The following NEK11 variants were observed in gnomAD, a reference collection of about 807,000 sequenced individuals.
The protein encoded by NEK11 is serine/threonine-protein kinase Nek11.
In NEK11, 72 loss-of-function variants were observed where a neutral mutation model predicts 80.7. That is an observed-to-expected ratio of 0.89 (90% CI 0.74 to 1.08). The LOEUF is 1.08. Ranked by LOEUF, NEK11 falls within the 50% of genes least tolerant of loss-of-function variation. The pLI is 0.00. For synonymous variants in NEK11, 251 were observed against 260.7 expected, an observed-to-expected ratio of 0.96 and a Z score of 0.36; for missense variants, 764 against 763.6, an observed-to-expected ratio of 1.00 and a Z score of -0.01.
intron 4 of NEK11, among the ~76,000 whole-genome samples, chr3:131,108,430 C>G (rs545382524): frequency 6.6e-6 from 1 of 152,242 alleles, no homozygotes; most frequent in Non-Finnish European, 1.5e-5. Flanking sequence ...TTGCATCCTG[C>G]AAAGACTAAA....
intron 10 of NEK11, among the ~76,000 whole-genome samples, chr3:131,157,116 T>G (rs537765301): frequency 2.6e-4 from 39 of 152,284 alleles, no homozygotes; most frequent in Non-Finnish European, 4.9e-4. Context: ...TTAAAATCCC[T>G]GGTAACAAAA....
intron 15 of NEK11, among the ~76,000 whole-genome samples, chr3:131,231,600 A>C (rs778154428): frequency 2.6e-5 from 4 of 151,808 alleles, no homozygotes; most frequent in African/African-American, 4.8e-5. Flanking sequence ...TATTAGAGAC[A>C]GGTAATTACA....
At chr3:131,327,910 A>C (rs531456639) in intron 17 of NEK11, among the ~76,000 whole-genome samples, 63 of 152,042 alleles carry the variant, frequency 4.1e-4, no homozygotes, top group African/African-American at 1.4e-3. Flanking sequence ...TTATTTGTTT[A>C]CTTGTTTAAT....
intron 14 of NEK11, among the ~76,000 whole-genome samples, chr3:131,172,487 T>C (rs2092753530): frequency 6.6e-6 from 1 of 152,266 alleles, no homozygotes; most frequent in African/African-American, 2.4e-5. Context: ...AGATTGGCAT[T>C]AGCCAGCTTT....
chr3:131,271,714 G>T (rs1162721823), intron 16 of NEK11, among the ~76,000 whole-genome samples: 3 of 152,020 alleles, frequency 2.0e-5, no homozygotes, highest in African/African-American at 7.2e-5. Context: ...AGAATTGCTT[G>T]AACCCAGGAG....
chr3:131,260,852 A>G (rs1301588354), intron 16 of NEK11, among the ~76,000 whole-genome samples: 4 of 152,186 alleles, frequency 2.6e-5, no homozygotes, highest in Non-Finnish European at 5.9e-5. Context: ...CTAAATGTAC[A>G]GTGCACCAAG....
At chr3:131,095,255 C>G (rs2077267636) in intron 4 of NEK11, among the ~76,000 whole-genome samples, 2 of 152,128 alleles carry the variant, frequency 1.3e-5, no homozygotes, top group South Asian at 4.2e-4. Flanking sequence ...ATGAACCAAT[C>G]AATTTATTCA....
intron 14 of NEK11, among the ~76,000 whole-genome samples, chr3:131,207,230 A>G (rs1227059695): frequency 2.0e-5 from 3 of 152,216 alleles, no homozygotes; most frequent in Admixed American, 2.0e-4. Context: ...TAGATCCTTG[A>G]GGAATCGCCA....
At chr3:131,060,140 G>A (rs2070552607) in intron 3 of NEK11, among the ~76,000 whole-genome samples, 1 of 152,120 alleles carries the variant, frequency 6.6e-6, no homozygotes, top group African/African-American at 2.4e-5. Flanking sequence ...GGGGAAGGAG[G>A]GCAGTTAAAG....
In NEK11 at chr3:131,219,313, T is replaced by C. The variant is rs141947485; in HGVS notation, c.1400-9215T>C. On this transcript the variant is annotated intron_variant, in intron 14 of 17. Coordinates refer to ENST00000383366, the MANE Select transcript of NEK11 (RefSeq NM_024800.5). ...CAAGAACAGAAAACCAAACACTGCA[T>C]GTTCTCACTCATAAGTGGGAGTTGA... 1.6e-3 allele frequency among the ~76,000 whole-genome samples: 248 copies of C among 151,992 alleles called. 5 individuals carry two copies. The East Asian group carries it at 0.047, about 29-fold the overall frequency.
At chr3:131,049,400 A>G (rs2067971761) in intron 3 of NEK11, among the ~76,000 whole-genome samples, 1 of 152,214 alleles carries the variant, frequency 6.6e-6, no homozygotes, top group Non-Finnish European at 1.5e-5. Flanking sequence ...TCCTAGTGGT[A>G]TGGAGTTTAA....
chr3:131,301,803 A>T (rs760806247), intron 17 of NEK11, among the ~76,000 whole-genome samples: 8 of 151,924 alleles, frequency 5.3e-5, no homozygotes, highest in Admixed American at 1.3e-4. Flanking sequence ...GGATTTTTGC[A>T]TCTATGTTCA....
intron 16 of NEK11, among the ~76,000 whole-genome samples, chr3:131,247,988 A>C (rs1270934811): frequency 1.3e-5 from 2 of 152,072 alleles, no homozygotes; most frequent in African/African-American, 4.8e-5. Context: ...CTAATCTAAC[A>C]GTTTTTGGAG....
intron 7 of NEK11, among the ~76,000 whole-genome samples, chr3:131,145,796 A>T (rs1246083877): frequency 6.6e-6 from 1 of 151,982 alleles, no homozygotes; most frequent in African/African-American, 2.4e-5. Context: ...CAATTTACCT[A>T]ATCTTATGGT....
intron 3 of NEK11, among the ~76,000 whole-genome samples, chr3:131,055,032 T>C (rs1475381287): frequency 6.6e-6 from 1 of 152,154 alleles, no homozygotes; most frequent in Admixed American, 6.6e-5. Flanking sequence ...AAGGCTGATG[T>C]CTTAATAAAC....
chr3:131,171,850 C>G (rs1053953964), intron 14 of NEK11, among the ~76,000 whole-genome samples: 2 of 152,166 alleles, frequency 1.3e-5, no homozygotes, highest in South Asian at 4.1e-4. Context: ...ATAAATATTT[C>G]TTGAGTGAAT....
At chr3:131,335,903 A>G (rs1182835131) in intron 17 of NEK11, among the ~76,000 whole-genome samples, 4 of 151,884 alleles carry the variant, frequency 2.6e-5, no homozygotes, top group African/African-American at 9.7e-5. Context: ...TAGGAATCCA[A>G]CTTACAAGGG....
At chr3:131,164,275 G>T (rs2091971206) in intron 11 of NEK11, among the ~76,000 whole-genome samples, 1 of 152,168 alleles carries the variant, frequency 6.6e-6, no homozygotes, top group Non-Finnish European at 1.5e-5. Context: ...TACTTCCACT[G>T]TGGCCAATAT....
intron 5 of NEK11, among the ~76,000 whole-genome samples, chr3:131,111,593 T>C (rs1376328133): frequency 9.2e-5 from 14 of 152,168 alleles, no homozygotes; most frequent in Non-Finnish European, 2.9e-5. Context: ...ATTCATTGTC[T>C]CCACTATTCA....
Sources: gnomAD v4.1 joint callset for allele counts (sites outside exome capture counted in the v4.1 genomes callset) on GRCh38, gnomAD v4.1.1 for gene constraint, MANE v1.5 for transcripts, NCBI Gene and HGNC (gene_info 2026-07-23, HGNC 2026-07-21) for gene names.